The following ADAMTS18 variants were observed in gnomAD, a reference collection of about 807,000 sequenced individuals.
ADAMTS18 encodes ADAM metallopeptidase with thrombospondin type 1 motif 18.
ADAMTS18 carries 157 observed loss-of-function variants against 165.9 expected under a neutral mutation model. The observed-to-expected ratio is 0.95, with a 90% confidence interval of 0.83 to 1.08. The LOEUF is 1.08. Ranked by LOEUF, ADAMTS18 falls within the 50% of genes least tolerant of loss-of-function variation. ADAMTS18 has a pLI of 0.00. For missense variants in ADAMTS18, 2,040 were observed against 1,534.0 expected, an observed-to-expected ratio of 1.33 and a Z score of -5.51; for synonymous variants, 782 against 578.2, an observed-to-expected ratio of 1.35 and a Z score of -5.06.
At chr16:77,333,421 T>C (rs2056222974) in intron 12 of ADAMTS18, among the ~76,000 whole-genome samples, 1 of 149,546 alleles carries the variant, frequency 6.7e-6, no homozygotes, top group Non-Finnish European at 1.5e-5. Context: ...TATATACCTA[T>C]ATAACAAACC....
intron 22 of ADAMTS18, among the ~76,000 whole-genome samples, chr16:77,286,032 T>A (rs1035625797): frequency 2.6e-5 from 4 of 152,206 alleles, no homozygotes; most frequent in African/African-American, 9.6e-5. Flanking sequence ...GCGTTAAATC[T>A]GAAATCCTTA....
intron 3 of ADAMTS18, among the ~76,000 whole-genome samples, chr16:77,396,540 A>C (rs1356206254): frequency 6.6e-6 from 1 of 152,246 alleles, no homozygotes; most frequent in Non-Finnish European, 1.5e-5. Context: ...ATTTTAGACC[A>C]AAACTACAGG....
intron 10 of ADAMTS18, among the ~76,000 whole-genome samples, chr16:77,344,113 A>G (rs1232882250): frequency 6.8e-6 from 1 of 147,730 alleles, no homozygotes; most frequent in Admixed American, 6.8e-5. Context: ...AGATGTATAT[A>G]TATATATGTA....
At chr16:77,286,231 C>CTGTT (rs1292772273) in intron 22 of ADAMTS18, among the ~76,000 whole-genome samples, 3 of 152,164 alleles carry the variant, frequency 2.0e-5, no homozygotes. Context: ...CTTGAGGTCT[C>CTGTT]TGTTTAAGTG....
chr16:77,400,424 T>TTGTGTGTGTG (rs145473637), intron 3 of ADAMTS18, among the ~76,000 whole-genome samples: 170 of 136,068 alleles, frequency 1.2e-3, no homozygotes, highest in African/African-American at 4.2e-3. Context: ...TCAGGGGGAA[T>TTGTGTGTGTG]TGTGTGTGTG....
At chr16:77,331,851 G>A (rs1337999576) in intron 12 of ADAMTS18, among the ~76,000 whole-genome samples, 2 of 152,148 alleles carry the variant, frequency 1.3e-5, no homozygotes, top group African/African-American at 4.8e-5. Flanking sequence ...AACACGTGAT[G>A]GGCAAAGTGT....
intron 17 of ADAMTS18, among the ~76,000 whole-genome samples, chr16:77,298,058 G>A (rs553782377): frequency 6.6e-6 from 1 of 150,876 alleles, no homozygotes; most frequent in African/African-American, 2.4e-5. Flanking sequence ...CCAGATACCT[G>A]GGATTACAGG....
At chr16:77,287,254 TACTGCTCACTAATGTTTTCTGAA>T (rs1233429167) in intron 22 of ADAMTS18, among the ~76,000 whole-genome samples, 1 of 152,158 alleles carries the variant, frequency 6.6e-6, no homozygotes, top group Non-Finnish European at 1.5e-5. Flanking sequence ...TGCGCCTCCT[TACTGCTCACTAATGTTTTCTGAA>T]AACTCACAGC....
chr16:77,418,792 G>T (rs1260286500), intron 3 of ADAMTS18, among the ~76,000 whole-genome samples: 1 of 152,204 alleles, frequency 6.6e-6, no homozygotes, highest in Non-Finnish European at 1.5e-5. Context: ...GGGCACTATA[G>T]ATATTTTCTG....
At chr16:77,324,391 G>A (rs925148081) in intron 13 of ADAMTS18, among the ~76,000 whole-genome samples, 1 of 152,188 alleles carries the variant, frequency 6.6e-6, no homozygotes, top group Admixed American at 6.5e-5. Context: ...CTTACAGAGG[G>A]AGTATATTTT....
intron 3 of ADAMTS18, among the ~76,000 whole-genome samples, chr16:77,391,830 T>C (rs1405126723): frequency 6.6e-6 from 1 of 152,182 alleles, no homozygotes; most frequent in African/African-American, 2.4e-5. Flanking sequence ...GATCAAGTGA[T>C]ACAGATATTT....
intron 21 of ADAMTS18, among the ~76,000 whole-genome samples, 168 bp downstream of exon 21, chr16:77,291,098 G>A (rs547757586): frequency 1.3e-5 from 2 of 151,302 alleles, no homozygotes; most frequent in African/African-American, 2.4e-5. Context: ...TTTACAGATT[G>A]TTACCTGCCC....
At chr16:77,286,006 G>A (rs773906253) in intron 22 of ADAMTS18, among the ~76,000 whole-genome samples, 2 of 152,202 alleles carry the variant, frequency 1.3e-5, no homozygotes, top group South Asian at 4.2e-4. Context: ...TTCTCCATTG[G>A]CTTCCATCGT....
At chr16:77,374,335 G>A (rs1411144702) in intron 3 of ADAMTS18, among the ~76,000 whole-genome samples, 1 of 152,012 alleles carries the variant, frequency 6.6e-6, no homozygotes, top group Non-Finnish European at 1.5e-5. Flanking sequence ...ACAATTTCAA[G>A]ACTATAATGC....
At chr16:77,286,433 AAC>A (rs1241818426) in intron 22 of ADAMTS18, among the ~76,000 whole-genome samples, 1 of 152,176 alleles carries the variant, frequency 6.6e-6, no homozygotes, top group African/African-American at 2.4e-5. Flanking sequence ...CAGACCCCAG[AAC>A]AGTTTCTGGT....
chr16:77,289,912 T>C (rs551911466), intron 21 of ADAMTS18, among the ~76,000 whole-genome samples: 1 of 152,140 alleles, frequency 6.6e-6, no homozygotes, highest in Admixed American at 6.5e-5. Flanking sequence ...TTCTTAGGAG[T>C]CGCTGATTTC....
intron 18 of ADAMTS18, 43 bp downstream of exon 18, chr16:77,297,246 A>G (rs1327319623): frequency 1.2e-6 from 2 of 1,612,538 alleles, no homozygotes; most frequent in Non-Finnish European, 8.5e-7. Flanking sequence ...ATGAAGGCAT[A>G]CAAGTACAAA....
chr16:77,363,845 A>C lies in ADAMTS18; in HGVS notation c.1013T>G (p.Ile338Arg). The change falls in exon 6 of 23, where the codon ATA becomes AGA. Residue 338 changes from isoleucine (I) to arginine (R), a missense_variant. Transcript: ENST00000282849. ...LFKDGTIGSD[I>R]NVVVVSLILL... ...AATTAGGCTCACCACAACCACGTTT[A>C]TGTCACTTCCAATAGTCCCATCTTT... The C allele has an allele frequency of 1.2e-6, 2 of 1,614,040 alleles. No individual in the cohort carries two copies. The highest frequency in any genetic ancestry group is 1.7e-6 in the Non-Finnish European group (2 of 1,179,976).
At chr16:77,309,226 T>C (rs2055735989) in intron 16 of ADAMTS18, among the ~76,000 whole-genome samples, 1 of 152,166 alleles carries the variant, frequency 6.6e-6, no homozygotes, top group East Asian at 1.9e-4. Context: ...AGTTTTTTTT[T>C]TTCTGGGAAA....
Sources: allele counts gnomAD v4.1 joint callset (sites outside exome capture counted in the v4.1 genomes callset), GRCh38; gene constraint gnomAD v4.1.1; transcripts MANE v1.5; gene names NCBI Gene and HGNC (gene_info 2026-07-23, HGNC 2026-07-21).